The following ILK variants were observed in gnomAD, a reference collection of about 807,000 sequenced individuals.
The protein encoded by ILK is scaffold protein ILK.
Under a neutral mutation model 57.8 loss-of-function variants are expected in ILK, and 37 were observed. That is an observed-to-expected ratio of 0.64 (90% confidence interval 0.49 to 0.84). The LOEUF is 0.84. Among genes scored for constraint, ILK ranks in the 40% least tolerant of loss-of-function variants. The pLI is 0.00. For synonymous variants in ILK, 231 were observed against 202.2 expected, an observed-to-expected ratio of 1.14 and a Z score of -1.21; for missense variants, 528 against 595.7, an observed-to-expected ratio of 0.89 and a Z score of 1.18.
At chr11:6,609,701 A>G (rs770562479) in intron 9 of ILK, 23 bp from the exon 10 acceptor site, 44 of 1,614,010 alleles carry the variant, frequency 2.7e-5, no homozygotes, top group Non-Finnish European at 3.6e-5. Flanking sequence ...TCTCTGAACT[A>G]TTTGACTTTT....
At position 6,609,093 on chromosome 11, in the gene ILK, C is replaced by T. The variant is rs770369647; in HGVS notation, c.555C>T (p.His185=). The T allele has an allele frequency of 3.7e-6, 6 of 1,614,170 alleles. No homozygotes were observed. The Admixed American group carries it at 8.3e-5, about 22-fold the overall frequency. The change falls in exon 7 of 13, where the codon CAC becomes CAT. Residue 185 remains histidine (H), a synonymous_variant. Transcript: ENST00000299421. ...TRPRNGTLNK[H]SGIDFKQLNF... ...TAGGAAATGGAACCCTGAACAAACACTCTGGCATTGACTTCAAACAGCTTA... is the reference window on the plus strand; with the variant it reads ...TAGGAAATGGAACCCTGAACAAACATTCTGGCATTGACTTCAAACAGCTTA...
chr11:6,604,487 G>C (rs1316245697), intron 2 of ILK, 127 bp downstream of exon 2: 4 of 823,440 alleles, frequency 4.9e-6, no homozygotes. Context: ...AGCATAGCCT[G>C]TGGGGGGCAG....
chr11:6,604,035 C>T (rs1854567637), intron 1 of ILK, 145 bp from the exon 2 acceptor site: 1 of 602,616 alleles, frequency 1.7e-6, no homozygotes, highest in Admixed American at 2.8e-5. Context: ...TCGTCACCCC[C>T]TGCCCACCCT....
chr11:6,609,445 A>G (rs1156732727), intron 8 of ILK, 37 bp downstream of exon 8: 2 of 1,613,604 alleles, frequency 1.2e-6, no homozygotes, highest in Non-Finnish European at 1.7e-6. Context: ...GCTAGTTCCA[A>G]GGAACCCTGA....
At position 6,608,364 on chromosome 11, in the gene ILK, C is replaced by G. The variant is rs1029483367; in HGVS notation, c.256-30C>G. ...ATTTGGAACTGACTGTACTTTCTGC[C>G]TCTTCTTTTTGTCTGGCCATGGGGT... On this transcript the variant is annotated intron_variant, in intron 3 of 12. Coordinates refer to ENST00000299421, the MANE Select transcript of ILK (RefSeq NM_004517.4). The surrounding 1 kb of genome is among the most constrained non-coding windows in gnomAD (Gnocchi z 4.9). 2.5e-6 allele frequency: 4 copies of G among 1,604,834 alleles called. No individual in the cohort carries two copies. Among genetic ancestry groups the G allele is most frequent in the Admixed American group, 3.3e-5 (2 of 60,020 alleles).
intron 2 of ILK, chr11:6,606,216 G>C (rs983215604): frequency 6.6e-6 from 1 of 152,202 alleles, no homozygotes; most frequent in Admixed American, 6.5e-5. Flanking sequence ...AGCAAATAGT[G>C]AAAGTGAATG....
In ILK at chr11:6,608,540, C is replaced by A; in HGVS notation, c.351+51C>A. On this transcript the variant is annotated intron_variant, in intron 4 of 12. Coordinates refer to ENST00000299421, the MANE Select transcript of ILK (RefSeq NM_004517.4). The surrounding 1 kb of genome is among the most constrained non-coding windows in gnomAD (Gnocchi z 4.9). ...AGATGGGTAGGAAGTAAAGTCTGAGCCTTGGTGGGAGATTTTGGAACCCTC... is the reference window on the plus strand; with the variant it reads ...AGATGGGTAGGAAGTAAAGTCTGAGACTTGGTGGGAGATTTTGGAACCCTC... 1 of 1,506,710 alleles carries A rather than the reference C, an allele frequency of 6.6e-7. No homozygotes were observed. Among genetic ancestry groups the A allele is most frequent in the Non-Finnish European group, 9.2e-7 (1 of 1,082,212 alleles). 93.3% of individuals were successfully genotyped at this position (1,506,710 alleles called of 1,614,324 possible). A position where few individuals can be genotyped will look rare whatever the true frequency, so the allele number is the denominator to read the frequency against.
At position 6,609,750 on chromosome 11, in the gene ILK, G is replaced by T; in HGVS notation, c.883G>T (p.Val295Leu). Residue 295 changes from valine to leucine, a missense_variant, in exon 10 of 13, where the codon GTG becomes TTG. Val to Leu is a conservative substitution (Grantham distance 32). Coordinates refer to ENST00000299421, the MANE Select transcript of ILK (RefSeq NM_004517.4). ...TNFVVDQSQA[V>L]KFALDMARGM... ...TTTCGTCGTGGACCAGAGCCAGGCT[G>T]TGAAGTTTGCTTTGGACATGGCAAG... is the stretch of plus-strand genomic sequence containing the variant. The T allele has an allele frequency of 6.2e-7, 1 of 1,614,214 alleles. No individual in the cohort carries two copies. The highest frequency in any genetic ancestry group is 8.5e-7 in the Non-Finnish European group (1 of 1,180,032).
At chr11:6,610,352 G>GCTC in intron 12 of ILK, 74 bp downstream of exon 12, 1 of 1,613,080 alleles carries the variant, frequency 6.2e-7, no homozygotes, top group South Asian at 1.1e-5. Context: ...GTGGGCCTTG[G>GCTC]CTCCTCACAT....
At position 6,609,736 on chromosome 11, in the gene ILK, A is replaced by G. The variant is rs530776032; in HGVS notation, c.869A>G (p.Asp290Gly). ...TGCCTCCTCTCAGATTTCGTCGTGG[A>G]CCAGAGCCAGGCTGTGAAGTTTGCT... Reference protein sequence around the residue: ...VLHEGTNFVVDQSQAVKFALD... With the variant: ...VLHEGTNFVVGQSQAVKFALD... Residue 290 changes from aspartate (D) to glycine (G), a missense_variant, in exon 10 of 13, where the codon GAC becomes GGC. Coordinates refer to ENST00000299421, the MANE Select transcript of ILK (RefSeq NM_004517.4). The G allele has an allele frequency of 1.2e-6, 2 of 1,614,184 alleles. No homozygotes were observed. The highest frequency in any genetic ancestry group is 2.2e-5 in the South Asian group (2 of 91,082).
In ILK at chr11:6,609,354, G is replaced by A. The variant is rs1315052873; in HGVS notation, c.674G>A (p.Arg225Gln). The A allele has an allele frequency of 6.2e-6, 10 of 1,614,032 alleles. No homozygotes were observed. The highest frequency in any genetic ancestry group is 5.3e-5 in the African/African-American group (4 of 74,910). The change falls in exon 8 of 13, where the codon CGA (arginine) becomes CAA (glutamine). Residue 225 changes from arginine (R) to glutamine (Q), a missense_variant. Transcript: ENST00000299421. Reference protein sequence around the residue: ...NDIVVKVLKVRDWSTRKSRDF... With the variant: ...NDIVVKVLKVQDWSTRKSRDF... ...ATTGTCGTGAAGGTGCTGAAGGTTC[G>A]AGACTGGAGTACAAGGAAGAGCAGG...
chr11:6,605,725 T>C (rs1442355270), intron 2 of ILK, among the ~76,000 whole-genome samples: 1 of 152,174 alleles, frequency 6.6e-6, no homozygotes, highest in Non-Finnish European at 1.5e-5. Context: ...TAGGATGTAT[T>C]TGACCATCTG....
At position 6,609,494 on chromosome 11, in the gene ILK, A is replaced by G. The variant is rs373350588; in HGVS notation, c.729-18A>G. 1 of 1,613,586 alleles carries G rather than the reference A, an allele frequency of 6.2e-7. No homozygotes were observed. ...AGATCTTTTGTACTGGGTCTCAACC[A>G]CTCCCTCCCTCTTCTAGGATTTTCT... On this transcript the variant is annotated intron_variant, in intron 8 of 12. Transcript: ENST00000299421.
At position 6,610,646 on chromosome 11, in the gene ILK, C is replaced by T. The variant is rs367866686; in HGVS notation, c.*35C>T. 265 of 1,613,424 alleles carry T rather than the reference C, an allele frequency of 1.6e-4. 1 individual carries two copies. The highest frequency in any genetic ancestry group is 2.0e-4 in the Non-Finnish European group (238 of 1,179,688). On this transcript the variant is annotated 3_prime_UTR_variant, in exon 13 of 13. Coordinates refer to ENST00000299421, the MANE Select transcript of ILK (RefSeq NM_004517.4). ...GTCCTTGCCTGAACTCCAGAGGTGTCGGGACATGGTTGGGGGAATGCACCT... is the reference window on the plus strand; with the variant it reads ...GTCCTTGCCTGAACTCCAGAGGTGTTGGGACATGGTTGGGGGAATGCACCT...
chr11:6,604,233 G>T lies in ILK; in HGVS notation c.-39G>T. On this transcript the variant is annotated 5_prime_UTR_variant, in exon 2 of 13. Coordinates refer to ENST00000299421, the MANE Select transcript of ILK (RefSeq NM_004517.4). ...CCCTGGATCACTCCACAGTCCTCAGGCTTCCCCAATCCAGGGGACTCGGCG... is the reference window on the plus strand; with the variant it reads ...CCCTGGATCACTCCACAGTCCTCAGTCTTCCCCAATCCAGGGGACTCGGCG... 1.3e-6 allele frequency: 2 copies of T among 1,569,838 alleles called. No individual in the cohort carries two copies. The highest frequency in any genetic ancestry group is 1.7e-6 in the Non-Finnish European group (2 of 1,148,734).
chr11:6,608,672 C>A lies in ILK; in HGVS notation c.352-22C>A. 6.3e-7 allele frequency: 1 copy of A among 1,598,268 alleles called. No homozygotes were observed. Among genetic ancestry groups the A allele is most frequent in the Non-Finnish European group, 8.6e-7 (1 of 1,165,372 alleles). ...CCAGCGAGGTAGCAGTGGCTCTCAT[C>A]ATAATGGCCTTTTCATTCCAGGACC... On this transcript the variant is annotated intron_variant, in intron 4 of 12. Coordinates refer to ENST00000299421, the MANE Select transcript of ILK (RefSeq NM_004517.4). This position sits in a 1 kb window ranked among gnomAD's most constrained non-coding sequence, Gnocchi z 4.9.
intron 2 of ILK, among the ~76,000 whole-genome samples, chr11:6,606,046 C>G (rs891175939): frequency 3.9e-5 from 6 of 152,130 alleles, no homozygotes; most frequent in Non-Finnish European, 7.3e-5. Context: ...TGGTGGCGTG[C>G]GCCTGTAATC....
Position 6,610,839 on chromosome 11 carries a change from C to T in ILK, c.*228C>T. The T allele has an allele frequency of 1.3e-6, 2 of 1,526,528 alleles. No individual in the cohort carries two copies. Among genetic ancestry groups the T allele is most frequent in the East Asian group, 2.2e-5 (1 of 44,464 alleles). 94.6% of individuals were successfully genotyped at this position (1,526,528 alleles called of 1,614,324 possible). On this transcript the variant is annotated 3_prime_UTR_variant, in exon 13 of 13. Transcript: ENST00000299421. ...GTCTCCCAACATGGGAGGGATCAGC[C>T]CCGCCTGTCACAATAAAGTTTATTA...
At chr11:6,604,725 A>G (rs544413537) in intron 2 of ILK, 10 of 474,558 alleles carry the variant, frequency 2.1e-5, no homozygotes, top group South Asian at 7.0e-5. Context: ...AGAACAGGAC[A>G]TAAGACTGTA....
Sources: allele counts gnomAD v4.1 joint callset (sites outside exome capture counted in the v4.1 genomes callset), GRCh38; gene constraint gnomAD v4.1.1; non-coding constraint Gnocchi (gnomAD v3.1); transcripts MANE v1.5; gene names NCBI Gene and HGNC (gene_info 2026-07-23, HGNC 2026-07-21).